NRXN3: variants seen among roughly 807,000 people sequenced by gnomAD.
The protein encoded by NRXN3 is neurexin III.
Under a neutral mutation model 137.6 loss-of-function variants are expected in NRXN3, and 32 were observed. The ratio of observed to expected loss-of-function variants is 0.23; its 90% CI spans 0.18 to 0.31. NRXN3 has a LOEUF of 0.31. NRXN3 is among the 10% of genes least tolerant of loss of function. The pLI, the probability that NRXN3 is intolerant of heterozygous loss-of-function variation, is 1.00. For missense variants in NRXN3, 1,574 were observed against 2,062.5 expected (o/e 0.76, Z 4.59); for synonymous variants, 798 against 784.5 (o/e 1.02, Z -0.29).
intron 4 of NRXN3, among the ~76,000 whole-genome samples, chr14:78,411,386 A>T (rs753655604): frequency 2.0e-5 from 3 of 152,182 alleles, no homozygotes; most frequent in Non-Finnish European, 4.4e-5. Context: ...GCTGCAGCAC[A>T]GGCCCTGGGT....
intron 14 of NRXN3, among the ~76,000 whole-genome samples, chr14:78,976,781 C>T (rs932697095): frequency 2.6e-5 from 4 of 152,154 alleles, no homozygotes; most frequent in African/African-American, 4.8e-5. Flanking sequence ...CAGTGTGGCA[C>T]ACTACCAAAA....
chr14:78,262,588 A>G (rs901193671), intron 2 of NRXN3, among the ~76,000 whole-genome samples: 15 of 152,120 alleles, frequency 9.9e-5, no homozygotes, highest in Non-Finnish European at 1.5e-4. Flanking sequence ...AAAATTCCCA[A>G]ATAGCTTCTC....
chr14:78,925,359 A>G (rs1162102310), intron 10 of NRXN3, among the ~76,000 whole-genome samples: 1 of 152,204 alleles, frequency 6.6e-6, no homozygotes, highest in Non-Finnish European at 1.5e-5. Flanking sequence ...ATGAACACTG[A>G]TATACGAAGA....
At chr14:78,953,599 T>A (rs1440576619) in intron 10 of NRXN3, among the ~76,000 whole-genome samples, 2 of 152,224 alleles carry the variant, frequency 1.3e-5, no homozygotes, top group East Asian at 3.9e-4. Context: ...ACTCTATTTT[T>A]ACAAAGTTCT....
rs138933248 is a variant in NRXN3 at position 79,355,673 on chromosome 14, CAAT to C, written c.3263-111545_3263-111543del. Among the ~76,000 whole-genome samples, 113 of 152,218 alleles carry C rather than the reference CAAT, an allele frequency of 7.4e-4. 1 individual carries two copies. Among genetic ancestry groups the C allele is most frequent in the African/African-American group, 2.6e-3 (108 of 41,558 alleles). On this transcript the variant is annotated intron_variant, in intron 15 of 20. Coordinates refer to ENST00000335750, the MANE Select transcript of NRXN3 (RefSeq NM_001330195.2). ...ACCATAGTGCCAAAGACAAAATAAA[CAAT>C]AAATATTAATGATTTTCTTGGCTTC... is the stretch of plus-strand genomic sequence containing the variant.
At chr14:78,367,430 G>T (rs2086131842) in intron 4 of NRXN3, among the ~76,000 whole-genome samples, 1 of 152,166 alleles carries the variant, frequency 6.6e-6, no homozygotes, top group Non-Finnish European at 1.5e-5. Context: ...GAATGAAGCA[G>T]CCCAATACTT....
intron 15 of NRXN3, among the ~76,000 whole-genome samples, chr14:79,367,448 A>G (rs1422380442): frequency 2.0e-5 from 3 of 152,194 alleles, no homozygotes; most frequent in Non-Finnish European, 4.4e-5. Flanking sequence ...TACATGTGGA[A>G]GGATGATAGA....
chr14:79,097,769 A>G (rs2050608297), intron 15 of NRXN3, among the ~76,000 whole-genome samples: 1 of 152,210 alleles, frequency 6.6e-6, no homozygotes, highest in Admixed American at 6.5e-5. Flanking sequence ...TAAATGTAGT[A>G]TTCCCCTGCA....
intron 20 of NRXN3, among the ~76,000 whole-genome samples, chr14:79,808,025 T>A (rs2099215368): frequency 6.6e-6 from 1 of 151,878 alleles, no homozygotes; most frequent in South Asian, 2.1e-4. Flanking sequence ...AAATATCTCC[T>A]CAGAAGTTCA....
intron 10 of NRXN3, among the ~76,000 whole-genome samples, chr14:78,880,815 A>G (rs1166802507): frequency 6.6e-6 from 1 of 152,218 alleles, no homozygotes; most frequent in African/African-American, 2.4e-5. Flanking sequence ...AATCCTTTCA[A>G]GAACCTTTAC....
At chr14:79,279,746 T>C (rs754325997) in intron 15 of NRXN3, 12 of 987,708 alleles carry the variant, frequency 1.2e-5, no homozygotes, top group Non-Finnish European at 1.4e-5. Context: ...GAAGAACTCT[T>C]CCACCTGCAG....
At chr14:79,388,099 T>A (rs1009113147) in intron 15 of NRXN3, among the ~76,000 whole-genome samples, 3 of 132,542 alleles carry the variant, frequency 2.3e-5, no homozygotes, top group African/African-American at 8.2e-5. Context: ...ACTTAAAGTA[T>A]AATAAAAAAA....
intron 19 of NRXN3, among the ~76,000 whole-genome samples, chr14:79,707,257 G>A (rs1043249991): frequency 5.3e-5 from 8 of 152,178 alleles, no homozygotes; most frequent in African/African-American, 1.9e-4. Context: ...TGTGTTAAAC[G>A]AATGAAAGTA....
intron 15 of NRXN3, among the ~76,000 whole-genome samples, chr14:79,358,467 C>T (rs920534267): frequency 2.7e-5 from 4 of 149,270 alleles, no homozygotes; most frequent in African/African-American, 4.9e-5. Context: ...CCAGCTGCTC[C>T]GGAGGCTGAG....
At chr14:79,539,318 C>T (rs1344216937) in intron 16 of NRXN3, among the ~76,000 whole-genome samples, 1 of 152,024 alleles carries the variant, frequency 6.6e-6, no homozygotes, top group African/African-American at 2.4e-5. Context: ...ACAGGTGCCC[C>T]GCTCAAGACA....
intron 4 of NRXN3, among the ~76,000 whole-genome samples, chr14:78,319,694 G>T (rs1043238422): frequency 6.6e-6 from 1 of 152,158 alleles, no homozygotes; most frequent in African/African-American, 2.4e-5. Context: ...TGAGGCTGCA[G>T]CCCTGGACAT....
chr14:78,489,134 T>A (rs938886450), intron 4 of NRXN3, among the ~76,000 whole-genome samples: 1 of 152,174 alleles, frequency 6.6e-6, no homozygotes, highest in African/African-American at 2.4e-5. Flanking sequence ...CCAACATTAA[T>A]GAGCACAAAT....
chr14:79,814,210 C>G (rs2099244635), intron 20 of NRXN3, among the ~76,000 whole-genome samples: 1 of 152,236 alleles, frequency 6.6e-6, no homozygotes, highest in African/African-American at 2.4e-5. Flanking sequence ...CGCAGCATCT[C>G]TGTATGGTTT....
chr14:78,442,024 A>G (rs781139046), intron 4 of NRXN3, among the ~76,000 whole-genome samples: 19 of 150,580 alleles, frequency 1.3e-4, no homozygotes, highest in Non-Finnish European at 2.2e-4. Context: ...TGAACTCAGG[A>G]GGTGGAGCTT....
Sources: allele counts gnomAD v4.1 joint callset (sites outside exome capture counted in the v4.1 genomes callset), GRCh38; gene constraint gnomAD v4.1.1; transcripts MANE v1.5; gene names NCBI Gene and HGNC (gene_info 2026-07-23, HGNC 2026-07-21).